CUBN: variants seen among roughly 807,000 people sequenced by gnomAD.
CUBN encodes the protein 460 kDa receptor.
In CUBN, 282 loss-of-function variants were observed where a neutral mutation model predicts 405.3. The observed-to-expected ratio is 0.70, with a 90% CI of 0.63 to 0.77. CUBN has a LOEUF of 0.77. Among genes scored for constraint, CUBN ranks in the 30% least tolerant of loss-of-function variants. The pLI, the probability that CUBN is intolerant of heterozygous loss-of-function variation, is 0.00. For synonymous variants in CUBN, 1,684 were observed against 1,617.0 expected, an observed-to-expected ratio of 1.04 and a Z score of -0.99; for missense variants, 4,514 against 4,475.2, an observed-to-expected ratio of 1.01 and a Z score of -0.25.
rs936043394 is a variant in CUBN at position 16,860,484 on chromosome 10, A to G, written c.9455-9041T>C. Among the ~76,000 whole-genome samples, 9 of 152,216 alleles carry G rather than the reference A, an allele frequency of 5.9e-5. No homozygotes were observed. In the South Asian group the frequency reaches 6.2e-4, roughly 10 times the overall value. On this transcript the variant is annotated intron_variant, in intron 59 of 66. Transcript: ENST00000377833. ...TGCCACATTATATGGCTTCAAAATA[A>G]AAAAGAGCAAAACTCCAGCCAAGAT...
chr10:17,045,061 T>C lies in CUBN; in HGVS notation c.3618A>G (p.Glu1206=). The C allele has an allele frequency of 1.9e-6, 3 of 1,614,090 alleles. No homozygotes were observed. The highest frequency in any genetic ancestry group is 2.5e-6 in the Non-Finnish European group (3 of 1,179,990). ...GATGCTCCAAGTGAAAGTCTTTGAA[T>C]TCCAGTTCAAATGCGCTGCCGTGGC... ...KSSHGSAFEL[E]FKDFHLEHHP... The change falls in exon 25 of 67, where the codon GAA becomes GAG. Residue 1206 remains glutamate (E), a synonymous_variant. Coordinates refer to ENST00000377833, the MANE Select transcript of CUBN (RefSeq NM_001081.4).
Position 17,104,606 on chromosome 10 carries a change from C to T in CUBN, c.1231-1G>A. Reference sequence around the variant, plus strand: ...TACAAAAATAACCAGAGACAGTGTCCTAAGGGGAAAAAAAACACATAATAC... The same window carrying T: ...TACAAAAATAACCAGAGACAGTGTCTTAAGGGGAAAAAAAACACATAATAC... On this transcript the variant is annotated splice_acceptor_variant, in intron 11 of 66. Transcript: ENST00000377833. LOFTEE classifies it high-confidence loss of function. The T allele has an allele frequency of 6.2e-7, 1 of 1,610,980 alleles. No individual in the cohort carries two copies. Among genetic ancestry groups the T allele is most frequent in the Non-Finnish European group, 8.5e-7 (1 of 1,178,690 alleles).
At position 16,848,690 on chromosome 10, in the gene CUBN, C is replaced by CTTTTTTT. The variant is rs10562297; in HGVS notation, c.9663+2538_9663+2544dup. ...TCTAGTCATTTTGGTCTCTCCCAGC[C>CTTTTTTT]TTTTTTTTTTTTTTTTTTTTTTTTT... On this transcript the variant is annotated intron_variant, in intron 60 of 66. Coordinates refer to ENST00000377833, the MANE Select transcript of CUBN (RefSeq NM_001081.4). 4.3e-3 allele frequency among the ~76,000 whole-genome samples: 232 copies of CTTTTTTT among 53,368 alleles called. 79 individuals are homozygous for CTTTTTTT. Among genetic ancestry groups the CTTTTTTT allele is most frequent in the Non-Finnish European group, 6.1e-3 (176 of 29,016 alleles). 35.0% of individuals were successfully genotyped at this position (53,368 alleles called of 152,430 possible).
At chr10:16,938,770 A>C (rs191216313) in intron 38 of CUBN, among the ~76,000 whole-genome samples, 193 bp downstream of exon 38, 1 of 152,306 alleles carries the variant, frequency 6.6e-6, no homozygotes, top group African/African-American at 2.4e-5. Flanking sequence ...CTTAGATATG[A>C]AATGGAAAAT....
intron 60 of CUBN, among the ~76,000 whole-genome samples, chr10:16,845,201 T>A (rs1588580302): frequency 6.6e-6 from 1 of 152,242 alleles, no homozygotes; most frequent in Non-Finnish European, 1.5e-5. Flanking sequence ...TTAATTTCTA[T>A]GAACTTTTAA....
At chr10:16,962,288 G>A (rs1843247936) in intron 31 of CUBN, among the ~76,000 whole-genome samples, 1 of 152,174 alleles carries the variant, frequency 6.6e-6, no homozygotes, top group South Asian at 2.1e-4. Context: ...GTGAGACAAA[G>A]TGGGAGCTAA....
At chr10:16,879,161 C>A (rs951816083) in intron 56 of CUBN, among the ~76,000 whole-genome samples, 1 of 152,196 alleles carries the variant, frequency 6.6e-6, no homozygotes, top group Non-Finnish European at 1.5e-5. Flanking sequence ...ATAGTAGTTA[C>A]ATCAGTATAC....
chr10:16,854,226 G>A (rs1839803987), intron 59 of CUBN, among the ~76,000 whole-genome samples: 1 of 152,130 alleles, frequency 6.6e-6, no homozygotes, highest in Non-Finnish European at 1.5e-5. Flanking sequence ...GGCTAAATGG[G>A]CAAGAATTTA....
chr10:17,003,133 T>G (rs887248146), intron 28 of CUBN, among the ~76,000 whole-genome samples: 1 of 152,202 alleles, frequency 6.6e-6, no homozygotes, highest in Admixed American at 6.5e-5. Context: ...CAGAGCTAGT[T>G]GTTTTTAAAA....
intron 60 of CUBN, among the ~76,000 whole-genome samples, chr10:16,849,836 T>C (rs1224621717): frequency 7.2e-5 from 11 of 152,142 alleles, no homozygotes; most frequent in African/African-American, 2.4e-4. Flanking sequence ...TAGTCTTCCC[T>C]AGCTACTGCT....
intron 13 of CUBN, among the ~76,000 whole-genome samples, chr10:17,102,871 T>C (rs1836530475): frequency 6.6e-6 from 1 of 151,878 alleles, no homozygotes. Flanking sequence ...ACCCACCTCA[T>C]CCTCTCAAAG....
chr10:16,995,950 T>C (rs1335829874), intron 28 of CUBN, among the ~76,000 whole-genome samples: 1 of 152,168 alleles, frequency 6.6e-6, no homozygotes, highest in Non-Finnish European at 1.5e-5. Flanking sequence ...AAGAAAGCTG[T>C]GGAACATGCT....
intron 54 of CUBN, among the ~76,000 whole-genome samples, chr10:16,897,252 A>G (rs2137426): frequency 0.1 from 15,386 of 152,176 alleles, 2,506 homozygotes; most frequent in African/African-American, 0.35. Flanking sequence ...TTATTATGTT[A>G]GGGAACTTTG....
intron 24 of CUBN, among the ~76,000 whole-genome samples, 162 bp from the exon 25 acceptor site, chr10:17,045,350 A>AT (rs200458717): frequency 1.7e-4 from 23 of 134,352 alleles, no homozygotes; most frequent in African/African-American, 5.7e-4. Context: ...TCCAATTTTT[A>AT]TTTTTTTCTA....
intron 58 of CUBN, among the ~76,000 whole-genome samples, chr10:16,873,709 G>A (rs1419307573): frequency 7.5e-6 from 1 of 134,206 alleles, no homozygotes; most frequent in African/African-American, 2.7e-5. Context: ...GTGACAAAGT[G>A]AGACCTTCTC....
At chr10:16,966,061 A>C (rs1204161394) in intron 31 of CUBN, 2 of 461,804 alleles carry the variant, frequency 4.3e-6, no homozygotes, top group African/African-American at 2.0e-5. Flanking sequence ...TGAGATATTC[A>C]CGGTCTCCAA....
Position 16,916,020 on chromosome 10 carries a change from C to A in CUBN, c.7011G>T (p.Gly2337=). The change falls in exon 46 of 67, where the codon GGG becomes GGT. Residue 2337 remains glycine, a synonymous_variant. Coordinates refer to ENST00000377833, the MANE Select transcript of CUBN (RefSeq NM_001081.4). ...FKAKYSIAQC[G]GRVPGQSGVV... Reference sequence around the variant, plus strand: ...CACCACTTTGCCCTGGTACTCTTCCCCCACACTGAGCTGCAAAAAATAAAA... The same window carrying A: ...CACCACTTTGCCCTGGTACTCTTCCACCACACTGAGCTGCAAAAAATAAAA... The A allele has an allele frequency of 6.2e-7, 1 of 1,613,720 alleles. No individual in the cohort carries two copies. Among genetic ancestry groups the A allele is most frequent in the Non-Finnish European group, 8.5e-7 (1 of 1,179,832 alleles).
At chr10:16,938,534 T>A (rs1842577353) in intron 38 of CUBN, among the ~76,000 whole-genome samples, 1 of 152,146 alleles carries the variant, frequency 6.6e-6, no homozygotes, top group Non-Finnish European at 1.5e-5. Flanking sequence ...CCTGTAAGCA[T>A]CCGATTGTGT....
At chr10:17,041,310 A>C in intron 26 of CUBN, 90 bp from the exon 27 acceptor site, 4 of 1,062,908 alleles carry the variant, frequency 3.8e-6, no homozygotes, top group Non-Finnish European at 5.8e-6. Context: ...ATAAATAAAA[A>C]TCATCTGTGT....
Sources: allele counts gnomAD v4.1 joint callset (sites outside exome capture counted in the v4.1 genomes callset), GRCh38; gene constraint gnomAD v4.1.1; transcripts MANE v1.5; gene names NCBI Gene and HGNC (gene_info 2026-07-23, HGNC 2026-07-21).